Variants in EGLN1 observed in about 807,000 individuals in gnomAD.
EGLN1 encodes egl nine homolog 1.
In EGLN1, 17 loss-of-function variants were observed where a neutral mutation model predicts 38.3. The ratio of observed to expected loss-of-function variants is 0.44; its 90% CI spans 0.30 to 0.67. The LOEUF (loss-of-function observed/expected upper bound fraction) is 0.67. Ranked by LOEUF, EGLN1 falls within the 30% of genes least tolerant of loss-of-function variation. The pLI, the probability that EGLN1 is intolerant of heterozygous loss-of-function variation, is 0.08. For synonymous variants in EGLN1, 283 were observed against 257.5 expected, an observed-to-expected ratio of 1.10 and a Z score of -0.95; for missense variants, 477 against 603.3, an observed-to-expected ratio of 0.79 and a Z score of 2.19.
rs1055851240 is a variant in EGLN1 at position 231,416,106 on chromosome 1, C to T, written c.891+4892G>A. On this transcript the variant is annotated intron_variant, in intron 1 of 4. Transcript: ENST00000366641. ...GACCTTGTGATCCACCCGCCTCAGC[C>T]TCCCAAAGTGCTGGGGTAACAGGCG... 3.0e-4 allele frequency among the ~76,000 whole-genome samples: 46 copies of T among 152,326 alleles called. 1 individual carries two copies. The highest frequency in any genetic ancestry group is 1.1e-3 in the African/African-American group (45 of 41,576).
intron 2 of EGLN1, 104 bp downstream of exon 2, chr1:231,373,875 AT>A: frequency 7.1e-7 from 1 of 1,401,764 alleles, no homozygotes; most frequent in South Asian, 1.2e-5. Context: ...TAAGAGGAAA[AT>A]TTTTAACTGT....
chr1:231,371,437 C>G (rs1558378535), intron 2 of EGLN1, among the ~76,000 whole-genome samples: 1 of 152,072 alleles, frequency 6.6e-6, no homozygotes, highest in Non-Finnish European at 1.5e-5. Flanking sequence ...GTCACAAATA[C>G]CTCTTACTTA....
At chr1:231,379,841 G>A (rs1688039072) in intron 1 of EGLN1, among the ~76,000 whole-genome samples, 1 of 152,172 alleles carries the variant, frequency 6.6e-6, no homozygotes, top group Non-Finnish European at 1.5e-5. Context: ...ACACTGAACA[G>A]AATAATGTTA....
rs57402041 is a variant in EGLN1 at position 231,374,521 on chromosome 1, A to ATT, written c.892-424_892-423dup. Among the ~76,000 whole-genome samples, 179 of 146,784 alleles carry ATT rather than the reference A, an allele frequency of 1.2e-3. No individual in the cohort carries two copies. In the Middle Eastern group the frequency reaches 0.017, roughly 14 times the overall value. On this transcript the variant is annotated intron_variant, in intron 1 of 4. Coordinates refer to ENST00000366641, the MANE Select transcript of EGLN1 (RefSeq NM_022051.3). The stretch of plus-strand genomic sequence containing the variant: ...CTGACACTGTCTCTGAATGGTACCA[A>ATT]TTTTTTTTTTTTTTGAGACAGGGTC...
In EGLN1 at chr1:231,400,115, T is replaced by C. The variant is rs187764360; in HGVS notation, c.891+20883A>G. On this transcript the variant is annotated intron_variant, in intron 1 of 4. Coordinates refer to ENST00000366641, the MANE Select transcript of EGLN1 (RefSeq NM_022051.3). Reference sequence around the variant, plus strand: ...AGAAGGCCTTTTTGCTTTGCAAGCTTATAGGTTGTGAGAGGTGTATATAAG... The same window carrying C: ...AGAAGGCCTTTTTGCTTTGCAAGCTCATAGGTTGTGAGAGGTGTATATAAG... Among the ~76,000 whole-genome samples, 5 of 152,226 alleles carry C rather than the reference T, an allele frequency of 3.3e-5. No individual in the cohort carries two copies. The East Asian group carries it at 7.8e-4, about 24-fold the overall frequency.
chr1:231,395,776 T>G (rs1229362419), intron 1 of EGLN1, among the ~76,000 whole-genome samples: 2 of 152,164 alleles, frequency 1.3e-5, no homozygotes, highest in Admixed American at 1.3e-4. Context: ...GCATCCCCAT[T>G]GCTTGGGAGG....
In EGLN1 at chr1:231,364,006, A is replaced by G. The variant is rs112836324; in HGVS notation, c.*2405T>C. On this transcript the variant is annotated 3_prime_UTR_variant, in exon 5 of 5. Coordinates refer to ENST00000366641, the MANE Select transcript of EGLN1 (RefSeq NM_022051.3). ...ACATATAGGCCACAAACAGTTTTAA[A>G]TTTTGTTTGAAATAGAGTCCTGCTT... 7.9e-5 allele frequency: 12 copies of G among 152,294 alleles called. No homozygotes were observed. Among genetic ancestry groups the G allele is most frequent in the African/African-American group, 2.9e-4 (12 of 41,576 alleles). 9.4% of individuals were successfully genotyped at this position (152,294 alleles called of 1,614,324 possible). A position where few individuals can be genotyped will look rare whatever the true frequency, so the allele number is the denominator to read the frequency against.
chr1:231,373,669 C>CGT (rs150455754), intron 2 of EGLN1, among the ~76,000 whole-genome samples: 9 of 119,672 alleles, frequency 7.5e-5, no homozygotes, highest in African/African-American at 3.1e-4. Context: ...CCCCTAACCT[C>CGT]GTGTGTGCGT....
chr1:231,413,877 G>T (rs1689012846), intron 1 of EGLN1, among the ~76,000 whole-genome samples: 2 of 150,854 alleles, frequency 1.3e-5, no homozygotes, highest in Non-Finnish European at 2.9e-5. Flanking sequence ...CCAAACTCAT[G>T]AAAACTTTAT....
Position 231,421,049 on chromosome 1 carries a change from T to TA in EGLN1, c.839dup (p.Arg281ThrfsTer4). On this transcript the variant is annotated frameshift_variant, in exon 1 of 5. Coordinates refer to ENST00000366641, the MANE Select transcript of EGLN1 (RefSeq NM_022051.3). LOFTEE classifies it high-confidence loss of function. The surrounding 1 kb of genome is among the most constrained non-coding windows in gnomAD (Gnocchi z 5.5). ...TGCCCAGCTTCCCGTTACAGTGGCG[T>TA]ATCAGGTCGTCCATGCTGCTCATGA... The TA allele has an allele frequency of 6.2e-7, 1 of 1,614,046 alleles. No individual in the cohort carries two copies. The highest frequency in any genetic ancestry group is 2.2e-5 in the East Asian group (1 of 44,852).
chr1:231,399,216 G>GGGCA (rs2102923821), intron 1 of EGLN1, among the ~76,000 whole-genome samples: 1 of 152,270 alleles, frequency 6.6e-6, no homozygotes, highest in Non-Finnish European at 1.5e-5. Flanking sequence ...AGCAACTACA[G>GGGCA]TGTTTCAGAC....
At chr1:231,406,165 C>CAAAAAAAAAAAAAAAAA (rs5781651) in intron 1 of EGLN1, among the ~76,000 whole-genome samples, 2 of 139,088 alleles carry the variant, frequency 1.4e-5, no homozygotes, top group East Asian at 2.1e-4. Flanking sequence ...GACTCCGTCT[C>CAAAAAAAAAAAAAAAAA]AAAAAAAAAA....
intron 1 of EGLN1, among the ~76,000 whole-genome samples, chr1:231,391,387 C>T (rs1688383580): frequency 6.6e-6 from 1 of 152,030 alleles, no homozygotes; most frequent in African/African-American, 2.4e-5. Flanking sequence ...TGGAAAAGAT[C>T]ATAAAGGTCT....
intron 3 of EGLN1, chr1:231,369,542 G>T: frequency 1.0e-6 from 1 of 984,930 alleles, no homozygotes; most frequent in Non-Finnish European, 1.2e-6. Flanking sequence ...TCTTTCTTTG[G>T]TTTCCATTCA....
intron 1 of EGLN1, among the ~76,000 whole-genome samples, chr1:231,388,463 T>C (rs1688277346): frequency 6.6e-6 from 1 of 152,130 alleles, no homozygotes; most frequent in African/African-American, 2.4e-5. Flanking sequence ...AGCCTGTAGC[T>C]AGTGTCTGTC....
chr1:231,372,702 A>T (rs375501295), intron 2 of EGLN1, among the ~76,000 whole-genome samples: 4 of 152,346 alleles, frequency 2.6e-5, no homozygotes, highest in African/African-American at 7.2e-5. Flanking sequence ...CAGAAAGGTC[A>T]GCTCCATTTT....
At chr1:231,387,276 C>G (rs183954021) in intron 1 of EGLN1, among the ~76,000 whole-genome samples, 10 of 149,616 alleles carry the variant, frequency 6.7e-5, no homozygotes, top group Admixed American at 4.0e-4. Flanking sequence ...TAAATAAAGA[C>G]AGAATACTAA....
At chr1:231,382,224 C>T (rs757212861) in intron 1 of EGLN1, among the ~76,000 whole-genome samples, 10 of 152,150 alleles carry the variant, frequency 6.6e-5, no homozygotes, top group Non-Finnish European at 1.0e-4. Context: ...TGTTTCAATT[C>T]CAGGGTCTAG....
intron 3 of EGLN1, chr1:231,369,502 T>C (rs532704260): frequency 5.5e-6 from 5 of 903,024 alleles, no homozygotes; most frequent in South Asian, 5.1e-5. Flanking sequence ...AGACATGGGA[T>C]TGAAAAGGGC....
Sources: allele counts gnomAD v4.1 joint callset (sites outside exome capture counted in the v4.1 genomes callset), GRCh38; gene constraint gnomAD v4.1.1; non-coding constraint Gnocchi (gnomAD v3.1); transcripts MANE v1.5; gene names NCBI Gene and HGNC (gene_info 2026-07-23, HGNC 2026-07-21).